Variants in DNAI1 observed in about 807,000 individuals in gnomAD.
The protein encoded by DNAI1 is dynein axonemal intermediate chain 1.
A neutral mutation model predicts 92.0 loss-of-function variants in DNAI1; 67 were observed. The ratio of observed to expected loss-of-function variants is 0.73; its 90% confidence interval spans 0.60 to 0.89. The LOEUF (loss-of-function observed/expected upper bound fraction) is 0.89, where lower values mean the gene tolerates loss of function less well. Among genes scored for constraint, DNAI1 ranks in the 40% least tolerant of loss-of-function variants. The probability of loss-of-function intolerance (pLI) is 0.00; values close to 1 mark genes in which losing one functional copy is unlikely to be tolerated. For synonymous variants in DNAI1, 323 were observed against 319.6 expected (o/e 1.01, Z -0.11); for missense variants, 839 against 866.6 (o/e 0.97, Z 0.40).
chr9:34,463,029 A>G (rs549136043), intron 1 of DNAI1, among the ~76,000 whole-genome samples: 2 of 152,340 alleles, frequency 1.3e-5, no homozygotes, highest in East Asian at 3.9e-4. Context: ...AAATCAGAGA[A>G]GTAGACTAAG....
At chr9:34,471,084 G>A (rs1033023616) in intron 1 of DNAI1, among the ~76,000 whole-genome samples, 3 of 152,110 alleles carry the variant, frequency 2.0e-5, no homozygotes, top group Admixed American at 6.6e-5. Context: ...AAATTGTGAG[G>A]TGCTGCTAGA....
intron 1 of DNAI1, among the ~76,000 whole-genome samples, chr9:34,467,440 TACACACACAC>T (rs3039302): frequency 0.026 from 3,616 of 137,418 alleles, 98 homozygotes; most frequent in East Asian, 0.12. Context: ...TCTACACAAA[TACACACACAC>T]ACACACACAC....
chr9:34,468,596 C>T (rs146621569), intron 1 of DNAI1, among the ~76,000 whole-genome samples: 2 of 151,610 alleles, frequency 1.3e-5, no homozygotes, highest in Non-Finnish European at 2.9e-5. Context: ...GAGGATGAGA[C>T]GGGAGGATCA....
intron 19 of DNAI1, among the ~76,000 whole-genome samples, chr9:34,519,175 C>T (rs1357202663): frequency 1.3e-5 from 2 of 152,144 alleles, no homozygotes; most frequent in African/African-American, 2.4e-5. Flanking sequence ...AAAACAAAAT[C>T]CTCTGGGCAT....
At chr9:34,490,711 A>G (rs1279052033) in intron 7 of DNAI1, among the ~76,000 whole-genome samples, 4 of 152,208 alleles carry the variant, frequency 2.6e-5, no homozygotes, top group Non-Finnish European at 5.9e-5. Flanking sequence ...AGAGCTCCCA[A>G]AACTCCACTG....
intron 1 of DNAI1, among the ~76,000 whole-genome samples, chr9:34,468,989 GA>G (rs1214608897): frequency 6.6e-6 from 1 of 152,028 alleles, no homozygotes; most frequent in Non-Finnish European, 1.5e-5. Context: ...AAAAGAGGAA[GA>G]AAAAATATTT....
At chr9:34,503,408 G>C (rs576845620) in intron 12 of DNAI1, among the ~76,000 whole-genome samples, 1 of 152,246 alleles carries the variant, frequency 6.6e-6, no homozygotes, top group Non-Finnish European at 1.5e-5. Flanking sequence ...CACTGTCTTT[G>C]GAAGCTCCCA....
At chr9:34,490,570 C>A (rs1246031028) in intron 7 of DNAI1, 82 bp downstream of exon 7, 2 of 1,590,168 alleles carry the variant, frequency 1.3e-6, no homozygotes, top group Non-Finnish European at 1.7e-6. Flanking sequence ...CTGGCCCTAG[C>A]AGACCTCAGC....
intron 15 of DNAI1, 142 bp from the exon 16 acceptor site, chr9:34,512,970 T>C: frequency 1.3e-6 from 1 of 775,608 alleles, no homozygotes. Context: ...GTCCCAGCCC[T>C]TACAGGGGCC....
Position 34,510,291 on chromosome 9 carries a change from G to A in DNAI1, c.1312-1818G>A, listed in dbSNP as rs560925112. ...GGCTTCTTCTCCAGGGAACCTGCCT[G>A]AGTAGCCAGCTCTGTGCAGGCCCTA... On this transcript the variant is annotated intron_variant, in intron 13 of 19. Coordinates refer to ENST00000242317, the MANE Select transcript of DNAI1 (RefSeq NM_012144.4). 3.7e-4 allele frequency among the ~76,000 whole-genome samples: 57 copies of A among 152,336 alleles called. No homozygotes were observed. In the South Asian group the frequency reaches 0.012, roughly 31 times the overall value.
chr9:34,506,520 TGCAGA>T, intron 12 of DNAI1, 102 bp from the exon 13 acceptor site: 2 of 1,470,150 alleles, frequency 1.4e-6, no homozygotes, highest in Non-Finnish European at 1.9e-6. Context: ...CTCTGACAGA[TGCAGA>T]GCAGGGCAGG....
At chr9:34,512,869 CA>C (rs1354950476) in intron 15 of DNAI1, among the ~76,000 whole-genome samples, 1 of 152,234 alleles carries the variant, frequency 6.6e-6, no homozygotes, top group East Asian at 1.9e-4. Flanking sequence ...CCCAGGCCCC[CA>C]TTCCTGTCTG....
At chr9:34,465,524 A>C (rs1253518457) in intron 1 of DNAI1, among the ~76,000 whole-genome samples, 2 of 152,248 alleles carry the variant, frequency 1.3e-5, no homozygotes, top group African/African-American at 4.8e-5. Flanking sequence ...TTATGATTAT[A>C]GTCATGCTAT....
At chr9:34,481,703 T>C (rs906035408) in intron 1 of DNAI1, among the ~76,000 whole-genome samples, 2 of 152,018 alleles carry the variant, frequency 1.3e-5, no homozygotes, top group Admixed American at 6.6e-5. Flanking sequence ...TCACGGTGAG[T>C]GTTACAGCTC....
chr9:34,497,151 A>C lies in DNAI1; in HGVS notation c.853A>C (p.Ile285Leu). Residue 285 changes from isoleucine to leucine, a missense_variant, in exon 10 of 20, where the codon ATC (isoleucine) becomes CTC (leucine). Transcript: ENST00000242317. ...DLIKLSQAAKIMERMVNQNTY... is the reference protein window; with the variant it reads ...DLIKLSQAAKLMERMVNQNTY... ...CATCAAATTGTCCCAAGCTGCTAAG[A>C]TCATGGAGCGGATGGTCAACCAGAA... The C allele has an allele frequency of 1.2e-6, 2 of 1,614,172 alleles. No individual in the cohort carries two copies. Among genetic ancestry groups the C allele is most frequent in the South Asian group, 2.2e-5 (2 of 91,072 alleles).
At chr9:34,474,064 C>A (rs745935583) in intron 1 of DNAI1, among the ~76,000 whole-genome samples, 2 of 151,974 alleles carry the variant, frequency 1.3e-5, no homozygotes, top group Non-Finnish European at 2.9e-5. Context: ...GATAGTTATT[C>A]TTTTAAAAAT....
At chr9:34,484,706 T>G (rs1187133404) in intron 2 of DNAI1, among the ~76,000 whole-genome samples, 1 of 152,120 alleles carries the variant, frequency 6.6e-6, no homozygotes, top group African/African-American at 2.4e-5. Flanking sequence ...AACCTTAAGG[T>G]GGTAGTTGGG....
chr9:34,515,301 A>G (rs151295110), intron 18 of DNAI1, among the ~76,000 whole-genome samples: 1,684 of 152,342 alleles, frequency 0.011, 14 homozygotes, highest in Non-Finnish European at 0.017. Flanking sequence ...GGCTGCCCCA[A>G]GGAAAGAATG....
chr9:34,478,299 T>A (rs1588092173), intron 1 of DNAI1, among the ~76,000 whole-genome samples: 1 of 151,404 alleles, frequency 6.6e-6, no homozygotes, highest in African/African-American at 2.4e-5. Context: ...AAGGGGAGGG[T>A]GTACAATAGG....
Sources: gnomAD v4.1 joint callset for allele counts (sites outside exome capture counted in the v4.1 genomes callset) on GRCh38, gnomAD v4.1.1 for gene constraint, MANE v1.5 for transcripts, NCBI Gene and HGNC (gene_info 2026-07-23, HGNC 2026-07-21) for gene names.